The following PDLIM3 variants were observed in gnomAD, a reference collection of about 807,000 sequenced individuals.
The protein encoded by PDLIM3 is PDZ and LIM domain protein 3.
PDLIM3 carries 36 observed loss-of-function variants against 37.3 expected under a neutral mutation model. The ratio of observed to expected loss-of-function variants is 0.97; its 90% confidence interval spans 0.74 to 1.28. PDLIM3 has a LOEUF of 1.28. PDLIM3 is among the 50% of genes most tolerant of loss of function. The probability of loss-of-function intolerance (pLI) is 0.00; values close to 1 mark genes in which losing one functional copy is unlikely to be tolerated. For synonymous variants in PDLIM3, 174 were observed against 182.4 expected (o/e 0.95, Z 0.37); for missense variants, 454 against 485.0 (o/e 0.94, Z 0.60).
At chr4:185,523,272 AT>A in intron 3 of PDLIM3, 89 bp downstream of exon 3, 1 of 868,300 alleles carries the variant, frequency 1.2e-6, no homozygotes. Context: ...GCTTGTTCCA[AT>A]TTTTCTATTT....
rs547560956 is a variant in PDLIM3, at chr4:185,535,286, C to T, written c.93+56G>A. The T allele has an allele frequency of 6.5e-5, 96 of 1,478,078 alleles. No individual in the cohort carries two copies. The African/African-American group carries it at 1.3e-3, about 19-fold the overall frequency. The allele number at this position is 1,478,078 out of a possible 1,614,324, so 91.6% of individuals were successfully genotyped here. A position where few individuals can be genotyped will look rare whatever the true frequency, so the allele number is the denominator to read the frequency against. ...GGCCCCGGGGCATCCACTGCGTCCC[C>T]CCGGACGCCGCCGGAGTCCCCACCT... is the stretch of plus-strand genomic sequence containing the variant. On this transcript the variant is annotated intron_variant, in intron 1 of 7. Coordinates refer to ENST00000284767, the MANE Select transcript of PDLIM3 (RefSeq NM_014476.6).
At chr4:185,512,741 T>C (rs908593299) in intron 4 of PDLIM3, 2 of 984,746 alleles carry the variant, frequency 2.0e-6, no homozygotes, top group African/African-American at 3.5e-5. Flanking sequence ...ATGCAAGTGA[T>C]TAATTTTACT....
At chr4:185,519,421 G>A (rs1022135730) in intron 3 of PDLIM3, among the ~76,000 whole-genome samples, 1 of 152,134 alleles carries the variant, frequency 6.6e-6, no homozygotes, top group Admixed American at 6.5e-5. Context: ...CAGTAGCTGG[G>A]ACCACAGGCG....
intron 4 of PDLIM3, among the ~76,000 whole-genome samples, chr4:185,510,080 T>G (rs148428260): frequency 6.6e-6 from 1 of 152,220 alleles, no homozygotes. Flanking sequence ...AAGTGGCCTA[T>G]TCACCATTTT....
intron 4 of PDLIM3, among the ~76,000 whole-genome samples, chr4:185,510,980 C>A (rs1208495751): frequency 1.3e-5 from 2 of 152,222 alleles, no homozygotes; most frequent in African/African-American, 4.8e-5. Flanking sequence ...CCTGGAAAGG[C>A]AGGTGCTAAT....
Position 185,508,424 on chromosome 4 carries a change from T to C in PDLIM3, c.537A>G (p.Glu179=), listed in dbSNP as rs750215417. The C allele has an allele frequency of 3.2e-5, 52 of 1,614,104 alleles. 1 individual carries two copies. In the South Asian group the frequency reaches 5.0e-4, roughly 16 times the overall value. ...KLAPNIPLEM[E]LPGVKIVHAQ... is the part of the protein sequence containing the mutation. The stretch of plus-strand genomic sequence containing the variant: ...CATGTACAATCTTCACACCAGGAAG[T>C]TCCATTTCCAAAGGAATGTTAGGGG... The change falls in exon 5 of 8, where the codon GAA becomes GAG. Residue 179 remains glutamate (E), a synonymous_variant. Coordinates refer to ENST00000284767, the MANE Select transcript of PDLIM3 (RefSeq NM_014476.6).
intron 3 of PDLIM3, among the ~76,000 whole-genome samples, chr4:185,520,867 G>A (rs1398924250): frequency 4.6e-5 from 3 of 65,242 alleles, no homozygotes; most frequent in Non-Finnish European, 6.3e-5. Context: ...TCATATTAAC[G>A]AAATTGGGTT....
intron 1 of PDLIM3, 117 bp from the exon 2 acceptor site, chr4:185,525,288 T>C: frequency 2.0e-6 from 2 of 985,576 alleles, no homozygotes; most frequent in Non-Finnish European, 3.1e-6. Flanking sequence ...GCAGAAAGAC[T>C]GTAAATCTAA....
In PDLIM3 at chr4:185,514,136, T is replaced by G; in HGVS notation, c.398+134A>C. ...CTGTTCTCTGCCAAGTGAGTTTGTT[T>G]CTTTTTGCTTTTGAAATAAGCTTCG... On this transcript the variant is annotated intron_variant, in intron 4 of 7. Transcript: ENST00000284767. This position sits in a 1 kb window ranked among gnomAD's most constrained non-coding sequence, Gnocchi z 4.0. 6.4e-7 allele frequency: 1 copy of G among 1,560,928 alleles called. No homozygotes were observed. The highest frequency in any genetic ancestry group is 8.7e-7 in the Non-Finnish European group (1 of 1,152,420).
intron 6 of PDLIM3, among the ~76,000 whole-genome samples, chr4:185,505,483 C>T (rs956301001): frequency 3.3e-5 from 5 of 151,922 alleles, no homozygotes; most frequent in East Asian, 1.9e-4. Context: ...TAGCCGGGCG[C>T]GGTGGTGGGT....
intron 1 of PDLIM3, among the ~76,000 whole-genome samples, chr4:185,526,474 C>T (rs757097042): frequency 5.9e-5 from 9 of 152,098 alleles, no homozygotes; most frequent in Non-Finnish European, 1.2e-4. Flanking sequence ...AAAAGAAATA[C>T]TTAAGAATAC....
intron 4 of PDLIM3, 78 bp from the exon 5 acceptor site, chr4:185,508,640 T>A: frequency 6.9e-7 from 1 of 1,441,306 alleles, no homozygotes. Context: ...AGAGAACACG[T>A]ACAGAGAGGT....
rs2095685983 is a variant in PDLIM3, at chr4:185,500,664, T to G, written c.*1630A>C. The G allele has an allele frequency of 6.6e-6, 1 of 152,254 alleles. No homozygotes were observed. Among genetic ancestry groups the G allele is most frequent in the African/African-American group, 2.4e-5 (1 of 41,480 alleles). 9.4% of individuals were successfully genotyped at this position (152,254 alleles called of 1,614,324 possible). A position where few individuals can be genotyped will look rare whatever the true frequency, so the allele number is the denominator to read the frequency against. ...CATGTATTTTGGATACATTCATTTC[T>G]TTGATCTCAAAAGTCTGTTTTATTT... On this transcript the variant is annotated 3_prime_UTR_variant, in exon 8 of 8. Transcript: ENST00000284767.
chr4:185,528,466 TCTTATA>T (rs1309522954), intron 1 of PDLIM3, among the ~76,000 whole-genome samples: 1 of 152,226 alleles, frequency 6.6e-6, no homozygotes, highest in Non-Finnish European at 1.5e-5. Context: ...AATAATACCA[TCTTATA>T]CTTATGCAAA....
rs28540468 is a variant in PDLIM3 at position 185,513,173 on chromosome 4, A to C, written c.398+1097T>G. 10 of 964,280 alleles carry C rather than the reference A, an allele frequency of 1.0e-5. No homozygotes were observed. In the African/African-American group the frequency reaches 2.4e-4, roughly 23 times the overall value. 59.7% of individuals were successfully genotyped at this position (964,280 alleles called of 1,614,324 possible). ...CCTGCAGACACTGAGCTCACGTTCT[A>C]GGGGGGGGAAGATGTGTTTGCTCAT... On this transcript the variant is annotated intron_variant, in intron 4 of 7. Coordinates refer to ENST00000284767, the MANE Select transcript of PDLIM3 (RefSeq NM_014476.6).
intron 4 of PDLIM3, 142 bp from the exon 5 acceptor site, chr4:185,508,704 A>C: frequency 1.3e-6 from 1 of 784,040 alleles, no homozygotes; most frequent in Non-Finnish European, 2.2e-6. Flanking sequence ...ATAAAACCAA[A>C]TCTTGATTTG....
chr4:185,507,803 G>A (rs1246716605), intron 5 of PDLIM3, among the ~76,000 whole-genome samples: 2 of 152,064 alleles, frequency 1.3e-5, no homozygotes, highest in Admixed American at 6.6e-5. Context: ...CATTGTAAAT[G>A]AGTAAATAAT....
chr4:185,533,614 T>C (rs2095748418), intron 1 of PDLIM3, among the ~76,000 whole-genome samples: 1 of 152,146 alleles, frequency 6.6e-6, no homozygotes, highest in Non-Finnish European at 1.5e-5. Flanking sequence ...TGATACAAAT[T>C]AGTTATGAGT....
chr4:185,534,314 T>C (rs754588096), intron 1 of PDLIM3, among the ~76,000 whole-genome samples: 22 of 152,100 alleles, frequency 1.4e-4, no homozygotes, highest in Admixed American at 6.5e-5. Flanking sequence ...CACATACAAT[T>C]ATAAAATATG....
Sources: gnomAD v4.1 joint callset for allele counts (sites outside exome capture counted in the v4.1 genomes callset) on GRCh38, gnomAD v4.1.1 for gene constraint, Gnocchi (gnomAD v3.1) non-coding constraint, MANE v1.5 for transcripts, NCBI Gene and HGNC (gene_info 2026-07-23, HGNC 2026-07-21) for gene names.